TEAD3: variants seen among roughly 807,000 people sequenced by gnomAD.
TEAD3 encodes the protein transcriptional enhancer factor TEF-5.
Under a neutral mutation model 55.6 loss-of-function variants are expected in TEAD3, and 15 were observed. The ratio of observed to expected loss-of-function variants is 0.27; its 90% CI spans 0.18 to 0.42. The LOEUF is 0.42. Among genes scored for constraint, TEAD3 ranks in the 10% least tolerant of loss-of-function variants. TEAD3 has a pLI of 1.00. For synonymous variants in TEAD3, 210 were observed against 232.2 expected (o/e 0.90, Z 0.87); for missense variants, 407 against 576.8 (o/e 0.71, Z 3.01).
In TEAD3 at chr6:35,496,973, A is replaced by AG. The variant is rs1768685748; in HGVS notation, c.-126dup. On this transcript the variant is annotated 5_prime_UTR_variant, in exon 1 of 13. Transcript: ENST00000639578. This position sits in a 1 kb window ranked among gnomAD's most constrained non-coding sequence, Gnocchi z 4.8. ...AGGGAGCCGCAAGGGGGGCCGGGGA[A>AG]GGGGGGTCGTGGGGAGGGGGCTGGC... is the stretch of plus-strand genomic sequence containing the variant. 7.6e-6 allele frequency: 1 copy of AG among 131,102 alleles called. No individual in the cohort carries two copies. The highest frequency in any genetic ancestry group is 7.2e-5 in the Admixed American group (1 of 13,864). The allele number at this position is 131,102 out of a possible 1,614,324, so 8.1% of individuals were successfully genotyped here. A position where few individuals can be genotyped will look rare whatever the true frequency, so the allele number is the denominator to read the frequency against.
intron 4 of TEAD3, 61 bp from the exon 5 acceptor site, chr6:35,479,377 A>T (rs1044209207): frequency 2.5e-6 from 4 of 1,606,808 alleles, no homozygotes; most frequent in Non-Finnish European, 3.4e-6. Flanking sequence ...CTGTGGGCTG[A>T]GGGACGTCTT....
At position 35,496,374 on chromosome 6, in the gene TEAD3, C is replaced by G. The variant is rs901606084; in HGVS notation, c.-50+524G>C. Among the ~76,000 whole-genome samples, 2 of 152,150 alleles carry G rather than the reference C, an allele frequency of 1.3e-5. No homozygotes were observed. The highest frequency in any genetic ancestry group is 4.8e-5 in the African/African-American group (2 of 41,440). On this transcript the variant is annotated intron_variant, in intron 1 of 12. Transcript: ENST00000639578. The surrounding 1 kb of genome is among the most constrained non-coding windows in gnomAD (Gnocchi z 4.8). The stretch of plus-strand genomic sequence containing the variant: ...GCGCGGCTTTGGTCCCAGACACCCT[C>G]CACAACCCAGCGCAGCCGCGGCACC...
At chr6:35,481,736 A>G (rs1449905466) in intron 3 of TEAD3, among the ~76,000 whole-genome samples, 1 of 152,086 alleles carries the variant, frequency 6.6e-6, no homozygotes, top group Non-Finnish European at 1.5e-5. Context: ...CAGGATTCAA[A>G]CCCAGGCGGT....
chr6:35,484,685 C>T lies in TEAD3; in HGVS notation c.203-61G>A, dbSNP rs1581725949. Reference sequence around the variant, plus strand: ...AAAGGGTGGAGCCAGAGGCTGGAGGCCCCCACCCCACCGGGAAGCCACTCC... The same window carrying T: ...AAAGGGTGGAGCCAGAGGCTGGAGGTCCCCACCCCACCGGGAAGCCACTCC... On this transcript the variant is annotated intron_variant, in intron 2 of 12. Transcript: ENST00000639578. The surrounding 1 kb of genome is among the most constrained non-coding windows in gnomAD (Gnocchi z 5.8). 8.2e-6 allele frequency: 12 copies of T among 1,471,634 alleles called. No individual in the cohort carries two copies. The highest frequency in any genetic ancestry group is 1.0e-5 in the Non-Finnish European group (11 of 1,074,406). The allele number at this position is 1,471,634 out of a possible 1,614,324, so 91.2% of individuals were successfully genotyped here. A position where few individuals can be genotyped will look rare whatever the true frequency, so the allele number is the denominator to read the frequency against.
chr6:35,489,485 C>A (rs1450805346), intron 1 of TEAD3, among the ~76,000 whole-genome samples: 1 of 152,168 alleles, frequency 6.6e-6, no homozygotes, highest in African/African-American at 2.4e-5. Flanking sequence ...CCCCCTCAAC[C>A]CAAGCAACTG....
chr6:35,478,260 A>C lies in TEAD3; in HGVS notation c.530+15T>G. 3 of 1,612,996 alleles carry C rather than the reference A, an allele frequency of 1.9e-6. No individual in the cohort carries two copies. Among genetic ancestry groups the C allele is most frequent in the Non-Finnish European group, 2.5e-6 (3 of 1,179,842 alleles). ...AGGAGGAAGAGGGCGTGGGATGATG[A>C]GCCACAATACTCACTCCTGAGAGGG... On this transcript the variant is annotated intron_variant, in intron 7 of 12. Coordinates refer to ENST00000639578, the Ensembl canonical transcript of TEAD3.
intron 9 of TEAD3, 93 bp downstream of exon 9, chr6:35,476,209 C>G (rs1768144413): frequency 1.3e-6 from 2 of 1,556,164 alleles, no homozygotes; most frequent in African/African-American, 1.4e-5. Context: ...AGGCCAGACC[C>G]CCAACCCCCA....
chr6:35,474,999 G>A (rs1231003524), exon 13 of TEAD3: 4 of 1,444,346 alleles, frequency 2.8e-6, no homozygotes, highest in South Asian at 2.7e-5. Flanking sequence ...CAGGTGTGGA[G>A]AGGAGATGCT....
At position 35,484,485 on chromosome 6, in the gene TEAD3, T is replaced by A. The variant is rs1581725822; in HGVS notation, c.267+75A>T. 15 of 1,447,912 alleles carry A rather than the reference T, an allele frequency of 1.0e-5. No individual in the cohort carries two copies. Among genetic ancestry groups the A allele is most frequent in the Middle Eastern group, 3.5e-4 (2 of 5,644 alleles). 89.7% of individuals were successfully genotyped at this position (1,447,912 alleles called of 1,614,324 possible). A position where few individuals can be genotyped will look rare whatever the true frequency, so the allele number is the denominator to read the frequency against. On this transcript the variant is annotated intron_variant, in intron 3 of 12. Coordinates refer to ENST00000639578, the Ensembl canonical transcript of TEAD3. The surrounding 1 kb of genome is among the most constrained non-coding windows in gnomAD (Gnocchi z 5.8). The stretch of plus-strand genomic sequence containing the variant: ...GGCAGCCTCGAGGAGGTGGGCAGGG[T>A]AGGGGCAAGGGGTTGACCGGGGCAG...
chr6:35,496,352 C>A lies in TEAD3; in HGVS notation c.-50+546G>T, dbSNP rs974424266. Among the ~76,000 whole-genome samples, 8 of 152,160 alleles carry A rather than the reference C, an allele frequency of 5.3e-5. No individual in the cohort carries two copies. Among genetic ancestry groups the A allele is most frequent in the Admixed American group, 1.3e-4 (2 of 15,284 alleles). On this transcript the variant is annotated intron_variant, in intron 1 of 12. Coordinates refer to ENST00000639578, the Ensembl canonical transcript of TEAD3. The surrounding 1 kb of genome is among the most constrained non-coding windows in gnomAD (Gnocchi z 4.8). ...TCAGGGGACACACGGCCGGGGCGCG[C>A]GGCTTTGGTCCCAGACACCCTCCAC...
At chr6:35,478,486 T>A (rs1768199824) in exon 6 of TEAD3, 4 of 1,612,690 alleles carry the variant, frequency 2.5e-6, no homozygotes, top group Non-Finnish European at 3.4e-6. Flanking sequence ...TGGGCTGAAC[T>A]TGTTCTGCAG....
chr6:35,486,283 G>C lies in TEAD3; in HGVS notation c.202+178C>G, dbSNP rs1051244329. Among the ~76,000 whole-genome samples, 4 of 152,234 alleles carry C rather than the reference G, an allele frequency of 2.6e-5. No individual in the cohort carries two copies. The highest frequency in any genetic ancestry group is 9.6e-5 in the African/African-American group (4 of 41,466). On this transcript the variant is annotated intron_variant, in intron 2 of 12. Transcript: ENST00000639578. The surrounding 1 kb of genome is among the most constrained non-coding windows in gnomAD (Gnocchi z 7.3). ...AGGTGTGGGCTGCGCCCTGGTTAGG[G>C]GGCGAGCCCGGCTTGTTTATGAGGA... is the stretch of plus-strand genomic sequence containing the variant.
At chr6:35,490,013 C>A (rs903591960) in intron 1 of TEAD3, among the ~76,000 whole-genome samples, 3 of 152,314 alleles carry the variant, frequency 2.0e-5, no homozygotes, top group Non-Finnish European at 4.4e-5. Context: ...CAGTCTGACA[C>A]TGCCACAGAG....
At chr6:35,476,538 A>G (rs1464800088) in intron 8 of TEAD3, 103 bp from the exon 9 acceptor site, 3 of 1,497,140 alleles carry the variant, frequency 2.0e-6, no homozygotes, top group Non-Finnish European at 1.8e-6. Flanking sequence ...AAGGAACATG[A>G]GTTGGATTTT....
At chr6:35,481,183 C>T (rs756273678) in intron 3 of TEAD3, among the ~76,000 whole-genome samples, 14 of 152,078 alleles carry the variant, frequency 9.2e-5, no homozygotes, top group Non-Finnish European at 2.9e-5. Flanking sequence ...CTCGCAGCCT[C>T]CGCAGGCAAA....
rs994995637 is a variant in TEAD3, at chr6:35,488,696, G to A, written c.-49-1985C>T. On this transcript the variant is annotated intron_variant, in intron 1 of 12. Coordinates refer to ENST00000639578, the Ensembl canonical transcript of TEAD3. This position sits in a 1 kb window ranked among gnomAD's most constrained non-coding sequence, Gnocchi z 4.2. ...AGGTCTGAATGTCAGCCAGTTATTC[G>A]GTTATTTTTTTTCTTTTTTAAATTT... Among the ~76,000 whole-genome samples the A allele has an allele frequency of 4.0e-5, 6 of 151,832 alleles. No homozygotes were observed. Among genetic ancestry groups the A allele is most frequent in the Non-Finnish European group, 8.8e-5 (6 of 67,912 alleles).
intron 1 of TEAD3, among the ~76,000 whole-genome samples, chr6:35,487,721 C>G (rs1433463113): frequency 6.7e-6 from 1 of 148,838 alleles, no homozygotes; most frequent in Non-Finnish European, 1.5e-5. Context: ...GACCTTGTCT[C>G]AAAAAAAAAC....
intron 1 of TEAD3, among the ~76,000 whole-genome samples, chr6:35,494,962 G>A (rs1426397480): frequency 6.6e-6 from 1 of 151,754 alleles, no homozygotes; most frequent in Admixed American, 6.6e-5. Flanking sequence ...TGGGCCACTG[G>A]ATCACCCACC....
At chr6:35,487,057 C>T (rs1318495255) in intron 1 of TEAD3, among the ~76,000 whole-genome samples, 9 of 152,196 alleles carry the variant, frequency 5.9e-5, no homozygotes, top group South Asian at 2.1e-4. Flanking sequence ...AATAGGTAAT[C>T]GGTAACAACA....
Sources: allele counts gnomAD v4.1 joint callset (sites outside exome capture counted in the v4.1 genomes callset), GRCh38; gene constraint gnomAD v4.1.1; non-coding constraint Gnocchi (gnomAD v3.1); transcripts MANE v1.5; gene names NCBI Gene and HGNC (gene_info 2026-07-23, HGNC 2026-07-21).